The following ERG variants were observed in gnomAD, a reference collection of about 807,000 sequenced individuals.
The protein encoded by ERG is transcriptional regulator ERG.
In ERG, 9 loss-of-function variants were observed where a neutral mutation model predicts 55.3. The observed-to-expected ratio is 0.16, with a 90% CI of 0.10 to 0.28. The LOEUF (loss-of-function observed/expected upper bound fraction) is 0.28, where lower values mean the gene tolerates loss of function less well. Among genes scored for constraint, ERG ranks in the 10% least tolerant of loss-of-function variants. ERG has a pLI of 1.00. For synonymous variants in ERG, 223 were observed against 237.3 expected (o/e 0.94, Z 0.55); for missense variants, 434 against 631.6 (o/e 0.69, Z 3.35).
intron 2 of ERG, among the ~76,000 whole-genome samples, chr21:38,541,417 A>G (rs16996424): frequency 0.096 from 14,678 of 152,152 alleles, 1,069 homozygotes; most frequent in African/African-American, 0.2. Context: ...TTGCATTATT[A>G]TAATCTACTT....
chr21:38,575,404 G>T (rs2059988763), intron 2 of ERG, among the ~76,000 whole-genome samples: 1 of 152,150 alleles, frequency 6.6e-6, no homozygotes, highest in Non-Finnish European at 1.5e-5. Flanking sequence ...AGCCACAGAT[G>T]ATATAGAAAT....
intron 1 of ERG, among the ~76,000 whole-genome samples, chr21:38,613,237 T>A (rs2060238848): frequency 6.6e-6 from 1 of 152,144 alleles, no homozygotes; most frequent in South Asian, 2.1e-4. Flanking sequence ...CTGCTGTGAG[T>A]TTAAAAAAAG....
chr21:38,413,878 T>G (rs1329770009), intron 3 of ERG, among the ~76,000 whole-genome samples: 2 of 152,198 alleles, frequency 1.3e-5, no homozygotes, highest in Non-Finnish European at 2.9e-5. Context: ...AGTTTCATCC[T>G]TGGTCTACCC....
At chr21:38,636,027 G>A (rs1469307090) in intron 1 of ERG, among the ~76,000 whole-genome samples, 1 of 152,114 alleles carries the variant, frequency 6.6e-6, no homozygotes, top group African/African-American at 2.4e-5. Context: ...AGGGACCAGG[G>A]CAGGTAACTG....
At chr21:38,535,976 C>T (rs912943680) in intron 2 of ERG, among the ~76,000 whole-genome samples, 7 of 152,132 alleles carry the variant, frequency 4.6e-5, no homozygotes, top group Non-Finnish European at 7.3e-5. Flanking sequence ...ATCTCATCCT[C>T]TTTCCTCCTT....
At chr21:38,588,131 G>A (rs148060878), upstream of ERG, among the ~76,000 whole-genome samples, 1,724 of 152,312 alleles carry the variant, frequency 0.011, 32 homozygotes, top group African/African-American at 0.04. Flanking sequence ...ACTACCAGCC[G>A]CGTGAGCTGG....
chr21:38,403,635 C>A lies in ERG; in HGVS notation c.463G>T (p.Val155Phe), dbSNP rs552037654. ...ATGTTCTGGAATAACAAGATGTTGA[C>A]GTCTGGAAGGCCATATTCTTTCACC... ...WAVKEYGLPD[V>F]NILLFQNIDG... is the part of the protein sequence containing the mutation. Residue 155 changes from valine to phenylalanine, a missense_variant, in exon 4 of 10, where the codon GTC becomes TTC. By Grantham distance (50) the Val-to-Phe change is conservative (BLOSUM62 -1). Coordinates refer to ENST00000288319, the MANE Select transcript of ERG (RefSeq NM_182918.4). 1 of 1,614,150 alleles carries A rather than the reference C, an allele frequency of 6.2e-7. No homozygotes were observed.
chr21:38,416,177 C>T (rs1203005427), intron 3 of ERG, among the ~76,000 whole-genome samples: 1 of 152,178 alleles, frequency 6.6e-6, no homozygotes, highest in Non-Finnish European at 1.5e-5. Context: ...AAGACTCATG[C>T]TGGGTGTCTG....
upstream of ERG, among the ~76,000 whole-genome samples, chr21:38,586,224 T>G (rs1469388175): frequency 1.0e-5 from 1 of 96,318 alleles, no homozygotes; most frequent in Admixed American, 1.1e-4. Context: ...TATATATATA[T>G]ATATATATAT....
At chr21:38,583,268 G>C (rs2060041223) in intron 1 of ERG, among the ~76,000 whole-genome samples, 1 of 152,182 alleles carries the variant, frequency 6.6e-6, no homozygotes, top group Non-Finnish European at 1.5e-5. Context: ...TCCCTTATGG[G>C]GCAGGAAGAA....
intron 1 of ERG, among the ~76,000 whole-genome samples, chr21:38,612,744 A>G (rs1284917138): frequency 2.6e-5 from 4 of 151,188 alleles, no homozygotes; most frequent in African/African-American, 9.7e-5. Flanking sequence ...GCTCACTGCA[A>G]CCTCCGCCTC....
At chr21:38,491,347 C>T (rs1172978950) in intron 1 of ERG, among the ~76,000 whole-genome samples, 1 of 152,050 alleles carries the variant, frequency 6.6e-6, no homozygotes, top group African/African-American at 2.4e-5. Context: ...GTCCTGTCTT[C>T]AGTGCTGATT....
At position 38,561,024 on chromosome 21, in the gene ERG, T is replaced by G. The variant is rs189738151; in HGVS notation, c.-41+14638A>C. 6.1e-4 allele frequency among the ~76,000 whole-genome samples: 92 copies of G among 152,060 alleles called. 1 individual carries two copies. The East Asian group carries it at 0.01, about 17-fold the overall frequency. ...CTTTTTAATACTATAAAATGTGGGG[T>G]TTTTTTTAATGTCTTTTTTTTCTTA... On this transcript the variant is annotated intron_variant, in intron 2 of 8. Transcript: ENST00000398897.
intron 1 of ERG, among the ~76,000 whole-genome samples, chr21:38,479,947 A>G (rs1269561174): frequency 6.6e-6 from 1 of 152,188 alleles, no homozygotes; most frequent in Non-Finnish European, 1.5e-5. Context: ...AAAGCACTTT[A>G]CGGCTTCTCT....
At chr21:38,575,144 G>A (rs960923489) in intron 2 of ERG, among the ~76,000 whole-genome samples, 4 of 152,056 alleles carry the variant, frequency 2.6e-5, no homozygotes, top group Non-Finnish European at 4.4e-5. Context: ...GCTGAGTGTC[G>A]GCGAGCCCAG....
intron 1 of ERG, among the ~76,000 whole-genome samples, chr21:38,492,354 C>T (rs2059343728): frequency 6.6e-6 from 1 of 152,164 alleles, no homozygotes; most frequent in Non-Finnish European, 1.5e-5. Flanking sequence ...ATTTTTTATA[C>T]TTTCTTAAAC....
chr21:38,570,100 A>G (rs960476801), intron 2 of ERG, among the ~76,000 whole-genome samples: 1 of 152,244 alleles, frequency 6.6e-6, no homozygotes, highest in African/African-American at 2.4e-5. Flanking sequence ...GGCTAGGCAC[A>G]TCTTCAGCTT....
chr21:38,636,795 C>T (rs369548619), intron 1 of ERG, among the ~76,000 whole-genome samples: 33 of 152,262 alleles, frequency 2.2e-4, no homozygotes, highest in African/African-American at 6.0e-4. Flanking sequence ...ACCTGGATTC[C>T]GGGGCCCTGT....
intron 3 of ERG, among the ~76,000 whole-genome samples, chr21:38,422,132 C>T (rs1399805900): frequency 2.6e-5 from 4 of 152,254 alleles, no homozygotes; most frequent in East Asian, 3.9e-4. Context: ...AGAGCAATTC[C>T]AGACGGAAGT....
Sources: gnomAD v4.1 joint callset for allele counts (sites outside exome capture counted in the v4.1 genomes callset) on GRCh38, gnomAD v4.1.1 for gene constraint, MANE v1.5 for transcripts, NCBI Gene and HGNC (gene_info 2026-07-23, HGNC 2026-07-21) for gene names.